ITGA1: variants seen among roughly 807,000 people sequenced by gnomAD.
The protein encoded by ITGA1 is integrin alpha-1.
A neutral mutation model predicts 145.9 loss-of-function variants in ITGA1; 85 were observed. The observed-to-expected ratio is 0.58, with a 90% CI of 0.49 to 0.70. The LOEUF (loss-of-function observed/expected upper bound fraction) is 0.70. Ranked by LOEUF, ITGA1 falls within the 30% of genes least tolerant of loss-of-function variation. ITGA1 has a pLI of 0.00. For missense variants in ITGA1, 1,351 were observed against 1,418.7 expected (o/e 0.95, Z 0.77); for synonymous variants, 520 against 495.3 (o/e 1.05, Z -0.66).
intron 6 of ITGA1, among the ~76,000 whole-genome samples, chr5:52,869,655 A>G (rs1749747680): frequency 1.3e-5 from 2 of 152,226 alleles, no homozygotes; most frequent in Non-Finnish European, 2.9e-5. Context: ...GTGGCACAGT[A>G]AGTCCTCAAT....
intron 1 of ITGA1, chr5:52,802,697 T>A (rs866268597): frequency 1.6e-4 from 25 of 152,234 alleles, no homozygotes; most frequent in South Asian, 4.1e-4. Context: ...TTATTTATTT[T>A]TTTGCTTGTC....
intron 6 of ITGA1, among the ~76,000 whole-genome samples, chr5:52,869,362 T>C (rs933588375): frequency 3.2e-4 from 48 of 152,180 alleles, no homozygotes; most frequent in African/African-American, 4.8e-5. Flanking sequence ...GGTTTCGCCA[T>C]GTTGGCCAGG....
chr5:52,800,172 C>T, intron 1 of ITGA1: 2 of 577,988 alleles, frequency 3.5e-6, no homozygotes, highest in African/African-American at 3.7e-5. Flanking sequence ...TTCCCCGAGC[C>T]TGTTAGACGC....
At chr5:52,801,950 A>T in intron 1 of ITGA1, 1 of 753,288 alleles carries the variant, frequency 1.3e-6, no homozygotes, top group East Asian at 2.7e-5. Context: ...TGATTCATAC[A>T]GGGATTTCTT....
chr5:52,853,260 T>C (rs1291614324), intron 2 of ITGA1, among the ~76,000 whole-genome samples: 1 of 152,230 alleles, frequency 6.6e-6, no homozygotes, highest in Non-Finnish European at 1.5e-5. Flanking sequence ...CAGCATATTG[T>C]TCTAAAGAAA....
At chr5:52,854,512 A>T (rs2111759765) in intron 2 of ITGA1, among the ~76,000 whole-genome samples, 1 of 152,284 alleles carries the variant, frequency 6.6e-6, no homozygotes, top group South Asian at 2.1e-4. Flanking sequence ...ATTCTCTAAG[A>T]TGAAAAAATG....
rs1296197623 is a variant in ITGA1 at position 52,909,059 on chromosome 5, T to C, written c.1599+18T>C. On this transcript the variant is annotated intron_variant, in intron 13 of 28. Transcript: ENST00000282588. ...TCAATCAGGTAATGGTGTCTGAGTTTGGTAGAAATCCAGGAAAATCTCTTC... is the reference window on the plus strand; with the variant it reads ...TCAATCAGGTAATGGTGTCTGAGTTCGGTAGAAATCCAGGAAAATCTCTTC... 8 of 1,595,940 alleles carry C rather than the reference T, an allele frequency of 5.0e-6. No homozygotes were observed. Among genetic ancestry groups the C allele is most frequent in the Admixed American group, 1.8e-5 (1 of 55,212 alleles).
intron 8 of ITGA1, among the ~76,000 whole-genome samples, chr5:52,891,516 G>T (rs1750148204): frequency 7.1e-6 from 1 of 141,742 alleles, no homozygotes; most frequent in South Asian, 2.2e-4. Flanking sequence ...TTTTGCTTGT[G>T]TCCAGTTTGA....
At chr5:52,873,251 T>G (rs1001236504) in intron 6 of ITGA1, among the ~76,000 whole-genome samples, 4 of 152,200 alleles carry the variant, frequency 2.6e-5, no homozygotes, top group African/African-American at 9.7e-5. Context: ...TTTCAGTCTT[T>G]TCTTTGCAGG....
At chr5:52,911,143 T>C (rs534766914) in intron 14 of ITGA1, among the ~76,000 whole-genome samples, 1 of 137,198 alleles carries the variant, frequency 7.3e-6, no homozygotes, top group South Asian at 2.3e-4. Context: ...ATATATTGTA[T>C]ATAGTGTATA....
chr5:52,801,935 C>G (rs1748497374), intron 1 of ITGA1: 1 of 850,730 alleles, frequency 1.2e-6, no homozygotes, highest in Non-Finnish European at 1.8e-6. Context: ...AAGAATGGCA[C>G]TTTTTGATTC....
At chr5:52,939,538 T>C in intron 24 of ITGA1, 52 bp from the exon 25 acceptor site, 1 of 1,228,704 alleles carries the variant, frequency 8.1e-7, no homozygotes, top group South Asian at 1.2e-5. Flanking sequence ...CAAGTCATGT[T>C]TTTCCTCTGA....
chr5:52,949,066 G>A (rs1433748558), intron 28 of ITGA1, among the ~76,000 whole-genome samples: 3 of 151,954 alleles, frequency 2.0e-5, no homozygotes, highest in African/African-American at 7.3e-5. Flanking sequence ...TATTATTATT[G>A]CAGGCCCAAA....
At chr5:52,899,708 A>G (rs777653238) in intron 11 of ITGA1, among the ~76,000 whole-genome samples, 5 of 152,228 alleles carry the variant, frequency 3.3e-5, no homozygotes, top group African/African-American at 7.2e-5. Context: ...GTTAGAAAAC[A>G]AAGTGTGCAT....
chr5:52,890,158 C>T (rs1358732702), intron 8 of ITGA1, among the ~76,000 whole-genome samples: 1 of 152,110 alleles, frequency 6.6e-6, no homozygotes, highest in East Asian at 1.9e-4. Flanking sequence ...GCACATTTAC[C>T]ACCTGCCTTC....
chr5:52,901,765 C>G (rs1371348877), intron 11 of ITGA1: 1 of 152,180 alleles, frequency 6.6e-6, no homozygotes, highest in African/African-American at 2.4e-5. Context: ...TATTAAGAAT[C>G]TTATTTCTGA....
chr5:52,849,319 A>G (rs775452162), intron 1 of ITGA1, 46 bp from the exon 2 acceptor site: 17 of 1,521,506 alleles, frequency 1.1e-5, no homozygotes, highest in African/African-American at 4.1e-5. Flanking sequence ...AACATGATGG[A>G]CTCTTAGTTA....
At chr5:52,839,191 CTGTTATA>C (rs908793207) in intron 1 of ITGA1, among the ~76,000 whole-genome samples, 10 of 152,104 alleles carry the variant, frequency 6.6e-5, no homozygotes, top group African/African-American at 2.4e-4. Context: ...TGAAGAATAC[CTGTTATA>C]TGTTATATGT....
At chr5:52,854,039 T>A (rs757973502) in intron 2 of ITGA1, among the ~76,000 whole-genome samples, 1 of 152,132 alleles carries the variant, frequency 6.6e-6, no homozygotes, top group Non-Finnish European at 1.5e-5. Context: ...CCTACCCTTT[T>A]AACTGCCCTT....
Sources: gnomAD v4.1 joint callset for allele counts (sites outside exome capture counted in the v4.1 genomes callset) on GRCh38, gnomAD v4.1.1 for gene constraint, MANE v1.5 for transcripts, NCBI Gene and HGNC (gene_info 2026-07-23, HGNC 2026-07-21) for gene names.